Variants in CCDC171 observed in about 807,000 individuals in gnomAD.
CCDC171 encodes coiled-coil domain-containing protein 171.
A neutral mutation model predicts 168.2 loss-of-function variants in CCDC171; 177 were observed. That is an observed-to-expected ratio of 1.05 (90% CI 0.93 to 1.19). The LOEUF (loss-of-function observed/expected upper bound fraction) is 1.19. Among genes scored for constraint, CCDC171 ranks in the 50% most tolerant of loss-of-function variants. The probability of loss-of-function intolerance (pLI) is 0.00; values close to 1 mark genes in which losing one functional copy is unlikely to be tolerated. For missense variants in CCDC171, 1,991 were observed against 1,539.0 expected (o/e 1.29, Z -4.91); for synonymous variants, 687 against 540.8 (o/e 1.27, Z -3.75).
At chr9:15,580,225 C>A (rs937158589) in intron 4 of CCDC171, among the ~76,000 whole-genome samples, 4 of 152,172 alleles carry the variant, frequency 2.6e-5, no homozygotes, top group Admixed American at 2.6e-4. Context: ...AATTCAAGAT[C>A]AAAGACTTAA....
intron 25 of CCDC171, among the ~76,000 whole-genome samples, chr9:15,930,901 A>G (rs978125992): frequency 3.3e-5 from 5 of 151,736 alleles, no homozygotes; most frequent in African/African-American, 9.7e-5. Flanking sequence ...ATGTTGTATA[A>G]TGATCCAGTC....
chr9:16,005,221 A>C (rs1448848714), intron 3 of CCDC171, among the ~76,000 whole-genome samples: 1 of 152,240 alleles, frequency 6.6e-6, no homozygotes, highest in Non-Finnish European at 1.5e-5. Context: ...AGATTTAACT[A>C]TTCTAGACAT....
chr9:15,860,077 G>A (rs540712853), intron 23 of CCDC171, among the ~76,000 whole-genome samples: 8 of 150,090 alleles, frequency 5.3e-5, no homozygotes, highest in Admixed American at 4.7e-4. Context: ...GCATATAATT[G>A]TTCATAGTAG....
chr9:15,927,316 A>C (rs758046684), intron 25 of CCDC171, among the ~76,000 whole-genome samples: 3 of 151,660 alleles, frequency 2.0e-5, no homozygotes, highest in Non-Finnish European at 4.4e-5. Context: ...GGCTTTGAGT[A>C]AAGAGCTTTT....
intron 7 of CCDC171, among the ~76,000 whole-genome samples, chr9:15,633,154 A>C (rs989744428): frequency 6.6e-6 from 1 of 152,228 alleles, no homozygotes; most frequent in Non-Finnish European, 1.5e-5. Flanking sequence ...ATGGCAAGAA[A>C]AGCCAAAATT....
intron 2 of CCDC171, among the ~76,000 whole-genome samples, chr9:15,567,258 G>A (rs188095217): frequency 6.6e-6 from 1 of 152,096 alleles, no homozygotes; most frequent in East Asian, 1.9e-4. Flanking sequence ...CTGACCTTGT[G>A]ATCCACCGGC....
intron 20 of CCDC171, among the ~76,000 whole-genome samples, chr9:15,782,367 A>T (rs749018667): frequency 6.6e-6 from 1 of 152,142 alleles, no homozygotes; most frequent in Non-Finnish European, 1.5e-5. Flanking sequence ...TCTCTTTCTT[A>T]TTCTGCGTTG....
intron 10 of CCDC171, among the ~76,000 whole-genome samples, chr9:15,686,715 C>T (rs1324121596): frequency 6.6e-6 from 1 of 152,108 alleles, no homozygotes; most frequent in African/African-American, 2.4e-5. Flanking sequence ...AACGATCTAA[C>T]ATTTATAAAC....
At chr9:15,950,824 C>G (rs1273490099) in intron 25 of CCDC171, among the ~76,000 whole-genome samples, 1 of 151,550 alleles carries the variant, frequency 6.6e-6, no homozygotes, top group East Asian at 2.0e-4. Flanking sequence ...AAGACACAGA[C>G]TGGTAAATTG....
rs373207981 is a variant in CCDC171, at chr9:15,990,513, A to T, written n.369-30076A>T. ...CCATCGATGCTAGGAAGAAACTGCA[A>T]CAACTAACGAGCAAAATGACCAGCT... On this transcript the variant is annotated intron_variant and non_coding_transcript_variant, in intron 3 of 9. Transcript: ENST00000486641. Among the ~76,000 whole-genome samples, 19 of 152,284 alleles carry T rather than the reference A, an allele frequency of 1.2e-4. No homozygotes were observed. In the East Asian group the frequency reaches 1.9e-3, roughly 15 times the overall value.
intron 18 of CCDC171, among the ~76,000 whole-genome samples, chr9:15,763,584 A>G (rs2056566557): frequency 6.6e-6 from 1 of 152,196 alleles, no homozygotes; most frequent in South Asian, 2.1e-4. Flanking sequence ...AGAAATGCCA[A>G]GGTTTTAGAG....
At chr9:15,581,663 A>G (rs1245283049) in intron 4 of CCDC171, among the ~76,000 whole-genome samples, 1 of 152,118 alleles carries the variant, frequency 6.6e-6, no homozygotes, top group Admixed American at 6.5e-5. Flanking sequence ...CAAACCTGAC[A>G]AAAACAAGCA....
chr9:15,991,362 A>G (rs1006233733), intron 3 of CCDC171, among the ~76,000 whole-genome samples: 3 of 151,448 alleles, frequency 2.0e-5, no homozygotes, highest in Non-Finnish European at 4.4e-5. Flanking sequence ...GCAGAAATAA[A>G]GATGTTCTTT....
chr9:15,607,553 C>A (rs1303145351), intron 6 of CCDC171, among the ~76,000 whole-genome samples: 1 of 152,070 alleles, frequency 6.6e-6, no homozygotes, highest in Non-Finnish European at 1.5e-5. Flanking sequence ...CCTCTGCCTC[C>A]TGGGCTCAAG....
chr9:15,992,293 G>A (rs891795987), intron 3 of CCDC171, among the ~76,000 whole-genome samples: 4 of 152,040 alleles, frequency 2.6e-5, no homozygotes, highest in Admixed American at 1.3e-4. Context: ...ATCAATAAAC[G>A]TAATCCAGCA....
intron 6 of CCDC171, among the ~76,000 whole-genome samples, chr9:15,597,347 T>A (rs946228703): frequency 3.9e-5 from 6 of 152,200 alleles, no homozygotes; most frequent in Admixed American, 2.6e-4. Context: ...TGAGAGTTTT[T>A]AGCATGAAGG....
At chr9:15,640,210 A>G (rs2046496548) in intron 7 of CCDC171, among the ~76,000 whole-genome samples, 1 of 152,136 alleles carries the variant, frequency 6.6e-6, no homozygotes, top group African/African-American at 2.4e-5. Context: ...GACTTCTATG[A>G]GGGTACAATA....
intron 7 of CCDC171, among the ~76,000 whole-genome samples, chr9:15,649,872 G>T (rs551343856): frequency 6.6e-6 from 1 of 152,138 alleles, no homozygotes; most frequent in Non-Finnish European, 1.5e-5. Context: ...CTAGAAATAC[G>T]GTTTGAGCCA....
rs566164773 is a variant in CCDC171 at position 16,048,001 on chromosome 9, G to C, written n.89+5115G>C. On this transcript the variant is annotated intron_variant and non_coding_transcript_variant, in intron 1 of 1. Coordinates refer to the CCDC171 transcript ENST00000478913. ...CTCAGAGAGGTAGGGAGTGGGGACA[G>C]AGGAAGGATGAACACATTGCCTGCA... Among the ~76,000 whole-genome samples the C allele has an allele frequency of 4.6e-5, 7 of 152,318 alleles. No homozygotes were observed. The East Asian group carries it at 1.2e-3, about 25-fold the overall frequency.
Sources: gnomAD v4.1 joint callset for allele counts (sites outside exome capture counted in the v4.1 genomes callset) on GRCh38, gnomAD v4.1.1 for gene constraint, MANE v1.5 for transcripts, NCBI Gene and HGNC (gene_info 2026-07-23, HGNC 2026-07-21) for gene names.